The following ALG1 variants were observed in gnomAD, a reference collection of about 807,000 sequenced individuals.
ALG1 encodes ALG1 chitobiosyldiphosphodolichol beta-mannosyltransferase, also known as chitobiosyldiphosphodolichol beta-mannosyltransferase.
In ALG1, 58 loss-of-function variants were observed where a neutral mutation model predicts 55.1. That is an observed-to-expected ratio of 1.05 (90% CI 0.85 to 1.31). The LOEUF (loss-of-function observed/expected upper bound fraction) is 1.31, where lower values mean the gene tolerates loss of function less well. Among genes scored for constraint, ALG1 ranks in the 50% most tolerant of loss-of-function variants. The probability of loss-of-function intolerance (pLI) is 0.00; values close to 1 mark genes in which losing one functional copy is unlikely to be tolerated. For synonymous variants in ALG1, 309 were observed against 247.0 expected, an observed-to-expected ratio of 1.25 and a Z score of -2.35; for missense variants, 761 against 598.6, an observed-to-expected ratio of 1.27 and a Z score of -2.83.
At chr16:5,082,831 G>A (rs1189547272) in intron 11 of ALG1, among the ~76,000 whole-genome samples, 158 bp downstream of exon 11, 1 of 152,204 alleles carries the variant, frequency 6.6e-6, no homozygotes, top group Admixed American at 6.5e-5. Flanking sequence ...TACTGTGGCT[G>A]GGCTGAGCCT....
rs552800894 is a variant in ALG1, at chr16:5,073,701, C to T, written c.390+445C>T. 7.9e-5 allele frequency among the ~76,000 whole-genome samples: 12 copies of T among 152,334 alleles called. No individual in the cohort carries two copies. The East Asian group carries it at 1.4e-3, about 17-fold the overall frequency. ...TATAGTATACACACGCACGCATACG[C>T]GCGCACACACAAACACACATATATT... On this transcript the variant is annotated intron_variant, in intron 3 of 12. Coordinates refer to ENST00000262374, the MANE Select transcript of ALG1 (RefSeq NM_019109.5).
chr16:5,078,260 C>A, intron 6 of ALG1: 1 of 689,474 alleles, frequency 1.5e-6, no homozygotes. Flanking sequence ...AACCTGTGGC[C>A]CGCAAAGCCT....
At chr16:5,072,537 G>A (rs1158596817) in intron 1 of ALG1, among the ~76,000 whole-genome samples, 4 of 152,280 alleles carry the variant, frequency 2.6e-5, no homozygotes, top group Non-Finnish European at 5.9e-5. Context: ...ATCTTGAGAG[G>A]GTAGCTCAAC....
At chr16:5,074,111 C>A (rs1190031219) in intron 3 of ALG1, among the ~76,000 whole-genome samples, 6 of 151,378 alleles carry the variant, frequency 4.0e-5, no homozygotes, top group Admixed American at 3.3e-4. Flanking sequence ...TTTTTTAAAT[C>A]AATTTTTAAT....
chr16:5,082,457 C>G (rs1431650203), intron 10 of ALG1, 102 bp from the exon 11 acceptor site: 2 of 1,286,862 alleles, frequency 1.6e-6, no homozygotes, highest in African/African-American at 2.9e-5. Flanking sequence ...GGGGCCTTAT[C>G]TGATTTTCAC....
At chr16:5,082,766 C>G in intron 11 of ALG1, 93 bp downstream of exon 11, 1 of 1,481,412 alleles carries the variant, frequency 6.8e-7, no homozygotes, top group Non-Finnish European at 9.3e-7. Flanking sequence ...CAGTGAGGCC[C>G]TGCCCCTCGG....
chr16:5,077,506 G>C lies in ALG1; in HGVS notation c.601G>C (p.Glu201Gln), dbSNP rs532207903. ...CCTGTGTGTTACCAATGCTATGCGA[G>C]AAGACCTGGCGGATAACTGGCACAT... ...LNLCVTNAMR[E>Q]DLADNWHIRA... is the part of the protein sequence containing the mutation. The change falls in exon 5 of 13, where the codon GAA becomes CAA. Residue 201 changes from glutamate to glutamine, a missense_variant. By Grantham distance (29) the Glu-to-Gln change is conservative (BLOSUM62 2). Coordinates refer to ENST00000262374, the MANE Select transcript of ALG1 (RefSeq NM_019109.5). The C allele has an allele frequency of 2.3e-5, 37 of 1,614,208 alleles. No individual in the cohort carries two copies. In the South Asian group the frequency reaches 4.1e-4, roughly 18 times the overall value.
rs9745522 is a variant in ALG1 at position 5,084,773 on chromosome 16, T to A, written c.1287T>A (p.Asp429Glu). The change falls in exon 13 of 13, where the codon GAT (aspartate) becomes GAA (glutamate). Residue 429 changes from aspartate to glutamate, a missense_variant. Asp to Glu is a conservative substitution (Grantham distance 45). Coordinates refer to ENST00000262374, the MANE Select transcript of ALG1 (RefSeq NM_019109.5). ...AGATGCTTTTCTCAAACTTTCCTGATCCTGCGGGCAAGCTAAACCAGTTCC... is the reference window on the plus strand; with the variant it reads ...AGATGCTTTTCTCAAACTTTCCTGAACCTGCGGGCAAGCTAAACCAGTTCC... The part of the protein sequence containing the change: ...QLQMLFSNFP[D>E]PAGKLNQFRK... The A allele has an allele frequency of 0.1, 167,349 of 1,595,586 alleles. 8,236 individuals carry two copies. The highest frequency in any genetic ancestry group is 0.16 in the Admixed American group (9,644 of 59,974).
In ALG1 at chr16:5,073,209, C is replaced by T; in HGVS notation, c.343C>T (p.Leu115=). The T allele has an allele frequency of 6.2e-7, 1 of 1,614,182 alleles. No homozygotes were observed. Among genetic ancestry groups the T allele is most frequent in the Admixed American group, 1.7e-5 (1 of 60,028 alleles). ...AGTTGTACTTCAGGCTATGTACTTG[C>T]TGTGGAAGTTGATGTGGAGGGAGCC... ...VKVVLQAMYL[L]WKLMWREPGA... The change falls in exon 3 of 13, where the codon CTG becomes TTG. Residue 115 remains leucine, a synonymous_variant. Transcript: ENST00000262374.
chr16:5,074,728 C>T (rs1956877942), intron 3 of ALG1, among the ~76,000 whole-genome samples: 1 of 152,286 alleles, frequency 6.6e-6, no homozygotes, highest in East Asian at 1.9e-4. Flanking sequence ...CAGTTTGGCC[C>T]CCGCTGAGTG....
At position 5,075,541 on chromosome 16, in the gene ALG1, G is replaced by C; in HGVS notation, c.539+5G>C. 1.9e-6 allele frequency: 3 copies of C among 1,613,896 alleles called. No homozygotes were observed. The highest frequency in any genetic ancestry group is 4.5e-5 in the East Asian group (2 of 44,894). ...CCTCGTTCTGCTGGCCAAGTGGTGA[G>C]AGTCTAGGAAGAGGGTAAAATACCG... On this transcript the variant is annotated splice_donor_5th_base_variant and intron_variant, in intron 4 of 12. Coordinates refer to ENST00000262374, the MANE Select transcript of ALG1 (RefSeq NM_019109.5).
At chr16:5,078,582 C>T (rs1421678705) in intron 6 of ALG1, 175 bp from the exon 7 acceptor site, 2 of 1,088,134 alleles carry the variant, frequency 1.8e-6, no homozygotes, top group East Asian at 5.0e-5. Context: ...CACCCAGCAA[C>T]AATATTAGAG....
intron 1 of ALG1, chr16:5,072,351 T>A: frequency 9.4e-7 from 1 of 1,067,456 alleles, no homozygotes. Context: ...TGCTGGTAGC[T>A]ACGTCCCTGT....
chr16:5,073,655 C>T (rs1372864911), intron 3 of ALG1, among the ~76,000 whole-genome samples: 2 of 152,238 alleles, frequency 1.3e-5, no homozygotes, highest in Admixed American at 6.5e-5. Flanking sequence ...AGGATTTGAA[C>T]GTAGGTCGTC....
rs4786592 is a variant in ALG1, at chr16:5,082,471, C to T, written c.1073-88C>T. 0.28 allele frequency: 398,483 copies of T among 1,411,556 alleles called. 59,965 individuals are homozygous for T. The highest frequency in any genetic ancestry group is 0.36 in the Admixed American group (19,148 of 53,804). The allele number at this position is 1,411,556 out of a possible 1,614,324, so 87.4% of individuals were successfully genotyped here. ...GGGGGCCTTATCTGATTTTCACTCTCCTTGGGGGATGCTGCCTCACTGTGC... is the reference window on the plus strand; with the variant it reads ...GGGGGCCTTATCTGATTTTCACTCTTCTTGGGGGATGCTGCCTCACTGTGC... On this transcript the variant is annotated intron_variant, in intron 10 of 12. Coordinates refer to ENST00000262374, the MANE Select transcript of ALG1 (RefSeq NM_019109.5).
rs142385356 is a variant in ALG1 at position 5,085,668 on chromosome 16, C to G, written c.*787C>G. The G allele has an allele frequency of 3.0e-4, 476 of 1,611,870 alleles. 6 individuals carry two copies. In the African/African-American group the frequency reaches 5.8e-3, roughly 20 times the overall value. ...GATTCAGCATTGCCATCTCCAAGTG[C>G]TCTTCGTAGGGAAACAGTTTCTGCT... is the stretch of plus-strand genomic sequence containing the variant. On this transcript the variant is annotated 3_prime_UTR_variant, in exon 13 of 13. Transcript: ENST00000262374.
At chr16:5,079,202 G>T in intron 8 of ALG1, 100 bp downstream of exon 8, 2 of 1,484,098 alleles carry the variant, frequency 1.3e-6, no homozygotes, top group Non-Finnish European at 1.8e-6. Flanking sequence ...CCAGGCCACT[G>T]GGTGGGGCAG....
chr16:5,081,110 G>GGGGGCAACTGGGGGGGGGGC, intron 10 of ALG1, 54 bp downstream of exon 10: 2 of 519,952 alleles, frequency 3.8e-6, no homozygotes, highest in Non-Finnish European at 7.1e-6. Flanking sequence ...GGGTGGGCGG[G>GGGGGCAACTGGGGGGGGGGC]ATGTACTTTT....
At position 5,077,666 on chromosome 16, in the gene ALG1, T is replaced by A. The variant is rs537010734; in HGVS notation, c.629+132T>A. The A allele has an allele frequency of 3.9e-4, 435 of 1,109,304 alleles. 5 individuals are homozygous for A. In the South Asian group the frequency reaches 5.1e-3, roughly 13 times the overall value. 68.7% of individuals were successfully genotyped at this position (1,109,304 alleles called of 1,614,324 possible). A position where few individuals can be genotyped will look rare whatever the true frequency, so the allele number is the denominator to read the frequency against. ...ATACTGAGGGCCTGGGAGGTGGTCT[T>A]TGGTTTGGGGAAGCTGGGGGAGGAG... On this transcript the variant is annotated intron_variant, in intron 5 of 12. Coordinates refer to ENST00000262374, the MANE Select transcript of ALG1 (RefSeq NM_019109.5).
Sources: gnomAD v4.1 joint callset for allele counts (sites outside exome capture counted in the v4.1 genomes callset) on GRCh38, gnomAD v4.1.1 for gene constraint, MANE v1.5 for transcripts, NCBI Gene and HGNC (gene_info 2026-07-23, HGNC 2026-07-21) for gene names.